FANCA: variants seen among roughly 807,000 people sequenced by gnomAD.
FANCA encodes the protein Fanconi anemia group A protein.
Under a neutral mutation model 194.3 loss-of-function variants are expected in FANCA, and 236 were observed. The observed-to-expected ratio is 1.21, with a 90% CI of 1.09 to 1.35. FANCA has a LOEUF of 1.35. Among genes scored for constraint, FANCA ranks in the 40% most tolerant of loss-of-function variants. FANCA has a pLI of 0.00. For synonymous variants in FANCA, 1,014 were observed against 715.8 expected (o/e 1.42, Z -6.65); for missense variants, 2,628 against 1,813.9 (o/e 1.45, Z -8.15).
At position 89,779,389 on chromosome 16, in the gene FANCA, A is replaced by G. The variant is rs117832232; in HGVS notation, c.1716-386T>C. Among the ~76,000 whole-genome samples, 1,031 of 152,220 alleles carry G rather than the reference A, an allele frequency of 6.8e-3. 8 individuals carry two copies. The highest frequency in any genetic ancestry group is 0.018 in the South Asian group (86 of 4,828). ...ATTCAAGATGTTTTGAGATCATACCAAATTCAATAAAGCTGTGCTATTCAG... is the reference window on the plus strand; with the variant it reads ...ATTCAAGATGTTTTGAGATCATACCGAATTCAATAAAGCTGTGCTATTCAG... On this transcript the variant is annotated intron_variant, in intron 18 of 42. Coordinates refer to ENST00000389301, the MANE Select transcript of FANCA (RefSeq NM_000135.4).
intron 30 of FANCA, 102 bp downstream of exon 30, chr16:89,758,475 A>G: frequency 1.4e-6 from 2 of 1,433,300 alleles, no homozygotes; most frequent in Non-Finnish European, 2.0e-6. Flanking sequence ...GACCCACCCT[A>G]AGCTAATTAG....
Position 89,775,654 on chromosome 16 carries a change from A to G in FANCA, c.1900+88T>C, listed in dbSNP as rs2039475485. Reference sequence around the variant, plus strand: ...AGCTGGCACAGCCACCCCCGAGCTCACTCGGGTGGTGTAGCACAACAGACA... The same window carrying G: ...AGCTGGCACAGCCACCCCCGAGCTCGCTCGGGTGGTGTAGCACAACAGACA... On this transcript the variant is annotated intron_variant, in intron 21 of 42. Transcript: ENST00000389301. 8.2e-6 allele frequency: 9 copies of G among 1,102,968 alleles called. No homozygotes were observed. The South Asian group carries it at 1.2e-4, about 15-fold the overall frequency. The allele number at this position is 1,102,968 out of a possible 1,614,324, so 68.3% of individuals were successfully genotyped here.
In FANCA at chr16:89,738,910, G is replaced by A. The variant is rs201494304; in HGVS notation, c.4232C>T (p.Pro1411Leu). 95 of 1,614,228 alleles carry A rather than the reference G, an allele frequency of 5.9e-5. No individual in the cohort carries two copies. The East Asian group carries it at 1.3e-3, about 22-fold the overall frequency. ...TGCCACGTGTGAGAAGCTCTTTTTC[G>A]GGCACCGAGGTATTAACTGCAGCAG... The part of the protein sequence containing the change: ...LFLLQLIPRC[P>L]KKSFSHVAEL... The change falls in exon 42 of 43, where the codon CCG becomes CTG. Residue 1411 changes from proline to leucine, a missense_variant. Physicochemically the swap from Pro to Leu is moderately conservative, Grantham distance 98 (BLOSUM62 -3). Coordinates refer to ENST00000389301, the MANE Select transcript of FANCA (RefSeq NM_000135.4).
chr16:89,809,831 C>A (rs2040806789), intron 5 of FANCA, among the ~76,000 whole-genome samples: 1 of 148,448 alleles, frequency 6.7e-6, no homozygotes, highest in Non-Finnish European at 1.5e-5. Flanking sequence ...CCAGCCTGGG[C>A]AACAAGAGCA....
intron 6 of FANCA, among the ~76,000 whole-genome samples, chr16:89,806,838 A>C (rs147269542): frequency 0.014 from 2,089 of 152,226 alleles, 50 homozygotes; most frequent in African/African-American, 0.048. Flanking sequence ...CATTGTCATC[A>C]TGGCCCGTTC....
intron 7 of FANCA, among the ~76,000 whole-genome samples, chr16:89,803,972 CT>C (rs1012881983): frequency 1.6e-4 from 24 of 152,138 alleles, no homozygotes; most frequent in African/African-American, 5.3e-4. Flanking sequence ...TATGGATTGT[CT>C]TGCCTGCCAA....
Position 89,758,643 on chromosome 16 carries a change from C to G in FANCA, c.2915G>C (p.Gly972Ala), listed in dbSNP as rs1555542929. ...CGCAGCCTGCAGGTCTCCGTCACAG[C>G]CCCCTGAAGCCGAGGACTCAGGGAG... The part of the protein sequence containing the change: ...HFLPESSASG[G>A]CDGDLQAACT... The change falls in exon 30 of 43, where the codon GGC becomes GCC. Residue 972 changes from glycine to alanine, a missense_variant. Coordinates refer to ENST00000389301, the MANE Select transcript of FANCA (RefSeq NM_000135.4). 1 of 1,613,916 alleles carries G rather than the reference C, an allele frequency of 6.2e-7. No homozygotes were observed. Among genetic ancestry groups the G allele is most frequent in the Non-Finnish European group, 8.5e-7 (1 of 1,179,842 alleles).
At chr16:89,763,933 A>AAC (rs1555544987) in intron 28 of FANCA, among the ~76,000 whole-genome samples, 3 of 148,362 alleles carry the variant, frequency 2.0e-5, no homozygotes, top group African/African-American at 7.6e-5. Flanking sequence ...AAAAAAAACA[A>AAC]AACAACAACA....
At chr16:89,790,228 C>T (rs977865930) in intron 14 of FANCA, among the ~76,000 whole-genome samples, 1 of 151,402 alleles carries the variant, frequency 6.6e-6, no homozygotes, top group Non-Finnish European at 1.5e-5. Context: ...ATGATGAAAC[C>T]CTGTCTCTAC....
chr16:89,738,256 T>G lies in FANCA; in HGVS notation c.*345A>C, dbSNP rs764817067. ...GCCCGAACCCACCTGAGGACGGCAG[T>G]GAGGATGAGCACCTCTAGCAGCCTG... On this transcript the variant is annotated 3_prime_UTR_variant, in exon 43 of 43. Transcript: ENST00000389301. The G allele has an allele frequency of 1.3e-6, 2 of 1,589,818 alleles. No individual in the cohort carries two copies. Among genetic ancestry groups the G allele is most frequent in the Non-Finnish European group, 1.7e-6 (2 of 1,169,058 alleles).
chr16:89,803,581 C>T (rs1018583044), intron 7 of FANCA, among the ~76,000 whole-genome samples: 3 of 152,010 alleles, frequency 2.0e-5, no homozygotes, highest in Non-Finnish European at 4.4e-5. Context: ...TTTCCTCTTG[C>T]ACTTCTATTT....
intron 17 of FANCA, 98 bp from the exon 18 acceptor site, chr16:89,780,055 A>T: frequency 8.3e-6 from 9 of 1,083,482 alleles, no homozygotes; most frequent in Non-Finnish European, 1.3e-5. Context: ...CCTTGTTGAA[A>T]GGCTCTGTAC....
rs891323617 is a variant in FANCA at position 89,815,876 on chromosome 16, C to A, written c.189+1G>T. 1.2e-6 allele frequency: 2 copies of A among 1,610,538 alleles called. No homozygotes were observed. The highest frequency in any genetic ancestry group is 1.7e-6 in the Non-Finnish European group (2 of 1,176,816). On this transcript the variant is annotated splice_donor_variant, in intron 2 of 42. Coordinates refer to ENST00000389301, the MANE Select transcript of FANCA (RefSeq NM_000135.4). LOFTEE classifies it high-confidence loss of function. ...GCAGACGGACACCAGCTTCCTCTTA[C>A]CTCAAGCAAAAGGGCATTCAGGTCC...
In FANCA at chr16:89,764,903, T is replaced by C. The variant is rs899634878; in HGVS notation, c.2765A>G (p.Glu922Gly). ...THRTFREVLKEEDVHLTYQDW... is the reference protein window; with the variant it reads ...THRTFREVLKGEDVHLTYQDW... ...ACGGTCACCTACGTGAACATCTTCCTCTTTCAACACCTCTCGGAAGGTTCT... is the reference window on the plus strand; with the variant it reads ...ACGGTCACCTACGTGAACATCTTCCCCTTTCAACACCTCTCGGAAGGTTCT... Residue 922 changes from glutamate to glycine, a missense_variant, in exon 28 of 43, where the codon GAG becomes GGG. Coordinates refer to ENST00000389301, the MANE Select transcript of FANCA (RefSeq NM_000135.4). The C allele has an allele frequency of 6.2e-7, 1 of 1,613,968 alleles. No individual in the cohort carries two copies. Among genetic ancestry groups the C allele is most frequent in the Non-Finnish European group, 8.5e-7 (1 of 1,179,968 alleles).
intron 39 of FANCA, 177 bp from the exon 40 acceptor site, chr16:89,739,730 G>T (rs904003922): frequency 2.0e-6 from 3 of 1,499,032 alleles, no homozygotes; most frequent in African/African-American, 1.4e-5. Flanking sequence ...GAGAGGATGG[G>T]GGGGTCGACC....
rs1270807019 is a variant in FANCA at position 89,740,804 on chromosome 16, A to C, written c.3828T>G (p.Asn1276Lys). 2.5e-6 allele frequency: 4 copies of C among 1,613,422 alleles called. No individual in the cohort carries two copies. The highest frequency in any genetic ancestry group is 3.4e-6 in the Non-Finnish European group (4 of 1,179,668). ...MGLLSSHLTS[N>K]STTDLPKAFH... The stretch of plus-strand genomic sequence containing the variant: ...CCTTGGCTGGTAAGGTCTGACTTAC[A>C]TTTGAGGTCAGATGTGACGACAGCA... The change falls in exon 38 of 43, where the codon AAT becomes AAG. Residue 1276 changes from asparagine (N) to lysine (K), a missense_variant and splice_region_variant. Physicochemically the swap from Asn to Lys is moderately conservative, Grantham distance 94. Coordinates refer to ENST00000389301, the MANE Select transcript of FANCA (RefSeq NM_000135.4).
At chr16:89,809,027 T>A (rs567960643) in intron 5 of FANCA, among the ~76,000 whole-genome samples, 5 of 151,918 alleles carry the variant, frequency 3.3e-5, no homozygotes, top group Non-Finnish European at 7.4e-5. Context: ...TGCCTCAGCC[T>A]CCTGAGTAGC....
chr16:89,777,578 A>C (rs2039552035), intron 20 of FANCA, among the ~76,000 whole-genome samples: 1 of 148,408 alleles, frequency 6.7e-6, no homozygotes, highest in African/African-American at 2.5e-5. Flanking sequence ...ACAAAAAAAG[A>C]AAAAAAAAAG....
chr16:89,785,869 T>TTTTC (rs2039879293), intron 14 of FANCA, among the ~76,000 whole-genome samples: 1 of 149,182 alleles, frequency 6.7e-6, no homozygotes, highest in Admixed American at 6.7e-5. Flanking sequence ...TTTTTTTTTT[T>TTTTC]TTGGAGACAG....
Sources: allele counts gnomAD v4.1 joint callset (sites outside exome capture counted in the v4.1 genomes callset), GRCh38; gene constraint gnomAD v4.1.1; transcripts MANE v1.5; gene names NCBI Gene and HGNC (gene_info 2026-07-23, HGNC 2026-07-21).